Variants in SRC observed in about 807,000 individuals in gnomAD.
SRC encodes the protein proto-oncogene tyrosine-protein kinase Src.
A neutral mutation model predicts 62.9 loss-of-function variants in SRC; 13 were observed. That is an observed-to-expected ratio of 0.21 (90% CI 0.13 to 0.33). The LOEUF is 0.33. SRC is among the 10% of genes least tolerant of loss of function. The pLI is 1.00. For synonymous variants in SRC, 302 were observed against 317.5 expected, an observed-to-expected ratio of 0.95 and a Z score of 0.52; for missense variants, 457 against 737.3, an observed-to-expected ratio of 0.62 and a Z score of 4.40.
intron 2 of SRC, among the ~76,000 whole-genome samples, chr20:37,381,351 G>A (rs2070363487): frequency 6.6e-6 from 1 of 151,986 alleles, no homozygotes; most frequent in Non-Finnish European, 1.5e-5. Context: ...ATACTGGAAG[G>A]GCCCTTAAGG....
At chr20:37,380,390 C>G (rs936013294) in intron 2 of SRC, among the ~76,000 whole-genome samples, 1 of 152,134 alleles carries the variant, frequency 6.6e-6, no homozygotes, top group Non-Finnish European at 1.5e-5. Flanking sequence ...TTCAACCTCT[C>G]TGTGTCTTAA....
chr20:37,348,544 G>T (rs1348173425), intron 1 of SRC, among the ~76,000 whole-genome samples: 1 of 152,186 alleles, frequency 6.6e-6, no homozygotes, highest in African/African-American at 2.4e-5. Context: ...AGTCATGGAG[G>T]CTTCTAGAAG....
At chr20:37,365,310 A>C (rs1208899724) in intron 2 of SRC, 33 bp downstream of exon 2, 1 of 137,998 alleles carries the variant, frequency 7.2e-6, no homozygotes, top group Non-Finnish European at 1.5e-5. Flanking sequence ...AAAGGAAAGA[A>C]AAGACATCAA....
chr20:37,384,152 C>G lies in SRC; in HGVS notation c.-2C>G, dbSNP rs1315163771. 1 of 1,600,778 alleles carries G rather than the reference C, an allele frequency of 6.2e-7. No individual in the cohort carries two copies. The highest frequency in any genetic ancestry group is 1.7e-5 in the Admixed American group (1 of 59,758). Reference sequence around the variant, plus strand: ...GTGTCTTCTCTCTCTCCTGCCAGGACCATGGGTAGCAACAAGAGCAAGCCC... The same window carrying G: ...GTGTCTTCTCTCTCTCCTGCCAGGAGCATGGGTAGCAACAAGAGCAAGCCC... On this transcript the variant is annotated splice_region_variant and 5_prime_UTR_variant, in exon 4 of 14. Transcript: ENST00000373578. The surrounding 1 kb of genome is among the most constrained non-coding windows in gnomAD (Gnocchi z 6.7).
chr20:37,356,024 C>A (rs564885227), intron 1 of SRC, among the ~76,000 whole-genome samples: 64 of 152,266 alleles, frequency 4.2e-4, no homozygotes, highest in African/African-American at 1.5e-3. Context: ...AGACCGGCCT[C>A]AGAGGCTCAA....
At chr20:37,363,926 C>T (rs924136524) in intron 1 of SRC, among the ~76,000 whole-genome samples, 1 of 152,088 alleles carries the variant, frequency 6.6e-6, no homozygotes, top group Admixed American at 6.5e-5. Flanking sequence ...ATGGCAGGTG[C>T]CTGACAAGTC....
chr20:37,378,835 C>A (rs2070315850), intron 2 of SRC, among the ~76,000 whole-genome samples: 1 of 152,062 alleles, frequency 6.6e-6, no homozygotes, highest in Non-Finnish European at 1.5e-5. Context: ...GCCTGAAGGA[C>A]TGGAGATAGA....
At position 37,396,576 on chromosome 20, in the gene SRC, G is replaced by A; in HGVS notation, c.703+265G>A. 3.7e-6 allele frequency: 2 copies of A among 540,320 alleles called. No homozygotes were observed. The highest frequency in any genetic ancestry group is 6.4e-5 in the East Asian group (2 of 31,412). 33.5% of individuals were successfully genotyped at this position (540,320 alleles called of 1,614,324 possible). A position where few individuals can be genotyped will look rare whatever the true frequency, so the allele number is the denominator to read the frequency against. ...GTCCCACTGCCCGCCTTTCTCTGCA[G>A]CTGGCTGGTATGGAGGGGGCTGCCC... is the stretch of plus-strand genomic sequence containing the variant. On this transcript the variant is annotated intron_variant, in intron 8 of 13. Coordinates refer to ENST00000373578, the MANE Select transcript of SRC (RefSeq NM_198291.3). This position sits in a 1 kb window ranked among gnomAD's most constrained non-coding sequence, Gnocchi z 6.1.
chr20:37,388,117 G>A (rs1301412496), intron 5 of SRC, among the ~76,000 whole-genome samples: 1 of 152,214 alleles, frequency 6.6e-6, no homozygotes, highest in African/African-American at 2.4e-5. Flanking sequence ...TGAAGTCCTG[G>A]TGGAGTCTCT....
In SRC at chr20:37,398,264, G is replaced by C. The variant is rs139746156; in HGVS notation, c.859+410G>C. On this transcript the variant is annotated intron_variant, in intron 9 of 13. Coordinates refer to ENST00000373578, the MANE Select transcript of SRC (RefSeq NM_198291.3). This position sits in a 1 kb window ranked among gnomAD's most constrained non-coding sequence, Gnocchi z 5.2. ...GGAGAGAGAAGCCCGGCTCGCAGGA[G>C]GGAGTGCTGGGAAGCTTAGGTCTGG... Among the ~76,000 whole-genome samples, 406 of 152,324 alleles carry C rather than the reference G, an allele frequency of 2.7e-3. 3 individuals carry two copies. The highest frequency in any genetic ancestry group is 9.5e-3 in the African/African-American group (396 of 41,580).
In SRC at chr20:37,403,301, C is replaced by T. The variant is rs774888105; in HGVS notation, c.1533C>T (p.Thr511=). 1.9e-6 allele frequency: 3 copies of T among 1,604,120 alleles called. No homozygotes were observed. The highest frequency in any genetic ancestry group is 1.1e-5 in the South Asian group (1 of 88,948). Residue 511 remains threonine, a synonymous_variant, in exon 14 of 14, where the codon ACC becomes ACT. Transcript: ENST00000373578. The surrounding 1 kb of genome is among the most constrained non-coding windows in gnomAD (Gnocchi z 7.1). The part of the protein sequence containing the change: ...CWRKEPEERP[T]FEYLQAFLED... ...GGAAGGAGCCTGAGGAGCGGCCCAC[C>T]TTCGAGTACCTGCAGGCCTTCCTGG...
At position 37,367,692 on chromosome 20, in the gene SRC, G is replaced by A. The variant is rs142267714; in HGVS notation, c.-173+2415G>A. Among the ~76,000 whole-genome samples the A allele has an allele frequency of 4.2e-3, 642 of 151,508 alleles. 4 individuals carry two copies. The highest frequency in any genetic ancestry group is 0.015 in the African/African-American group (619 of 41,284). On this transcript the variant is annotated intron_variant, in intron 2 of 13. Transcript: ENST00000373578. Reference sequence around the variant, plus strand: ...GATAGGATCTTACTCTGCCACCCAGGCTGGAGAGCAATGCTGTGATCATAG... The same window carrying A: ...GATAGGATCTTACTCTGCCACCCAGACTGGAGAGCAATGCTGTGATCATAG...
chr20:37,394,744 C>T (rs2070613019), intron 7 of SRC, among the ~76,000 whole-genome samples: 1 of 152,194 alleles, frequency 6.6e-6, no homozygotes, highest in Admixed American at 6.5e-5. Flanking sequence ...TTCTCTCCAG[C>T]CCCTCTGAAA....
At chr20:37,394,141 A>G in intron 6 of SRC, 33 bp from the exon 7 acceptor site, 1 of 1,594,846 alleles carries the variant, frequency 6.3e-7, no homozygotes, top group Non-Finnish European at 8.6e-7. Flanking sequence ...AAGCCTGGAC[A>G]GTCAGCACCA....
At chr20:37,349,444 C>T (rs1169265873) in intron 1 of SRC, among the ~76,000 whole-genome samples, 2 of 152,124 alleles carry the variant, frequency 1.3e-5, no homozygotes, top group Non-Finnish European at 2.9e-5. Flanking sequence ...ATGTTCTGAC[C>T]GTCCCACTTG....
chr20:37,364,984 A>G (rs1226329455), intron 1 of SRC, among the ~76,000 whole-genome samples: 1 of 152,144 alleles, frequency 6.6e-6, no homozygotes, highest in Non-Finnish European at 1.5e-5. Flanking sequence ...TCTCCCAGCC[A>G]GAGGAGATGC....
chr20:37,389,268 G>A (rs1214606307), intron 5 of SRC, among the ~76,000 whole-genome samples: 1 of 152,112 alleles, frequency 6.6e-6, no homozygotes, highest in Non-Finnish European at 1.5e-5. Context: ...CCCCTCCTGG[G>A]TCTGACTCTG....
At chr20:37,391,317 G>A (rs1393480146) in intron 5 of SRC, among the ~76,000 whole-genome samples, 1 of 152,178 alleles carries the variant, frequency 6.6e-6, no homozygotes, top group East Asian at 1.9e-4. Flanking sequence ...GGGGCCTGGG[G>A]AGGCCCTACT....
At chr20:37,350,505 C>T (rs980632940) in intron 1 of SRC, among the ~76,000 whole-genome samples, 3 of 152,130 alleles carry the variant, frequency 2.0e-5, no homozygotes, top group African/African-American at 7.2e-5. Context: ...GGCTCCGTGT[C>T]GCTGTTCCTG....
Sources: allele counts gnomAD v4.1 joint callset (sites outside exome capture counted in the v4.1 genomes callset), GRCh38; gene constraint gnomAD v4.1.1; non-coding constraint Gnocchi (gnomAD v3.1); transcripts MANE v1.5; gene names NCBI Gene and HGNC (gene_info 2026-07-23, HGNC 2026-07-21).